Variants in SLC14A2 observed in about 807,000 individuals in gnomAD.
The protein encoded by SLC14A2 is urea transporter 2.
In SLC14A2, 91 loss-of-function variants were observed where a neutral mutation model predicts 104.6. That is an observed-to-expected ratio of 0.87 (90% confidence interval 0.73 to 1.04). SLC14A2 has a LOEUF of 1.04. Ranked by LOEUF, SLC14A2 falls within the 50% of genes least tolerant of loss-of-function variation. SLC14A2 has a pLI of 0.00. For missense variants in SLC14A2, 1,189 were observed against 1,156.0 expected (o/e 1.03, Z -0.41); for synonymous variants, 476 against 466.4 (o/e 1.02, Z -0.27).
chr18:45,416,454 G>A (rs888081924), intron 1 of SLC14A2, among the ~76,000 whole-genome samples: 1 of 152,168 alleles, frequency 6.6e-6, no homozygotes, highest in African/African-American at 2.4e-5. Flanking sequence ...ATAATAATTG[G>A]TCGTGGCCTT....
At chr18:45,601,170 CG>C (rs1163976749) in intron 2 of SLC14A2, among the ~76,000 whole-genome samples, 5 of 152,198 alleles carry the variant, frequency 3.3e-5, no homozygotes, top group Admixed American at 6.5e-5. Context: ...AAAGAGAATG[CG>C]CGGCCCAACC....
intron 1 of SLC14A2, among the ~76,000 whole-genome samples, chr18:45,319,649 G>A (rs749938482): frequency 2.6e-5 from 4 of 152,148 alleles, no homozygotes; most frequent in African/African-American, 4.8e-5. Context: ...GACCAATTAG[G>A]TTATAGACTT....
intron 1 of SLC14A2, among the ~76,000 whole-genome samples, chr18:45,342,525 G>A (rs542418630): frequency 1.3e-5 from 2 of 152,284 alleles, no homozygotes; most frequent in Admixed American, 6.5e-5. Flanking sequence ...GAACAAAAGG[G>A]TTATGGTCAG....
intron 18 of SLC14A2, among the ~76,000 whole-genome samples, chr18:45,675,583 C>T (rs371260679): frequency 6.0e-5 from 9 of 151,220 alleles, no homozygotes; most frequent in South Asian, 4.2e-4. Flanking sequence ...GGCATGATCA[C>T]GGCTCACTGC....
chr18:45,371,990 T>C (rs2085727942), intron 1 of SLC14A2, among the ~76,000 whole-genome samples: 1 of 152,186 alleles, frequency 6.6e-6, no homozygotes, highest in South Asian at 2.1e-4. Context: ...AACTAGAGCT[T>C]CTAAAATTAA....
chr18:45,536,274 C>T (rs1188726697), intron 2 of SLC14A2, among the ~76,000 whole-genome samples: 5 of 152,154 alleles, frequency 3.3e-5, no homozygotes, highest in African/African-American at 4.8e-5. Context: ...TATTAATTTC[C>T]CAGTACCTGG....
At position 45,494,604 on chromosome 18, in the gene SLC14A2, G is replaced by T. The variant is rs1334361868; in HGVS notation, c.-35+11282G>T. On this transcript the variant is annotated intron_variant, in intron 2 of 20. Coordinates refer to the SLC14A2 transcript ENST00000586448. ...TTAAATAGCGACAGGGTCTCACCAT[G>T]TTGGCCAGGCTTGTCTCAAACTCCT... Among the ~76,000 whole-genome samples the T allele has an allele frequency of 2.0e-5, 3 of 151,734 alleles. No individual in the cohort carries two copies. The East Asian group carries it at 5.8e-4, about 29-fold the overall frequency.
chr18:45,199,126 C>A, the SLC14A2 span, among the ~76,000 whole-genome samples: 1 of 151,878 alleles, frequency 6.6e-6, no homozygotes, highest in Non-Finnish European at 1.5e-5. Flanking sequence ...ATAACACTTT[C>A]ACCAGGTTCT....
intron 10 of SLC14A2, among the ~76,000 whole-genome samples, chr18:45,660,480 A>G (rs1222045039): frequency 6.6e-6 from 1 of 152,218 alleles, no homozygotes; most frequent in African/African-American, 2.4e-5. Flanking sequence ...TTTCCAGCGC[A>G]TTTCGTAAGC....
At chr18:45,506,714 A>G (rs1416179232) in intron 2 of SLC14A2, among the ~76,000 whole-genome samples, 2 of 152,218 alleles carry the variant, frequency 1.3e-5, no homozygotes, top group Non-Finnish European at 1.5e-5. Flanking sequence ...GGCCCTGCCA[A>G]CACCTTAGTT....
chr18:45,544,636 C>A (rs1407872079), intron 2 of SLC14A2, among the ~76,000 whole-genome samples: 1 of 152,042 alleles, frequency 6.6e-6, no homozygotes, highest in Non-Finnish European at 1.5e-5. Context: ...ACCATCTTCA[C>A]TACCCTTGGT....
intron 10 of SLC14A2, among the ~76,000 whole-genome samples, chr18:45,653,359 G>T (rs769785098): frequency 1.3e-5 from 2 of 152,112 alleles, no homozygotes; most frequent in Non-Finnish European, 1.5e-5. Context: ...TGGGAAGGGG[G>T]CCTTTGACGT....
intron 1 of SLC14A2, among the ~76,000 whole-genome samples, chr18:45,373,684 C>CA (rs1469034422): frequency 2.0e-5 from 3 of 152,110 alleles, no homozygotes; most frequent in Non-Finnish European, 2.9e-5. Context: ...GGCCCACGGT[C>CA]AAAGTATTAA....
intron 1 of SLC14A2, among the ~76,000 whole-genome samples, chr18:45,362,472 A>G (rs1293552751): frequency 6.6e-6 from 1 of 152,232 alleles, no homozygotes; most frequent in Non-Finnish European, 1.5e-5. Flanking sequence ...CAGCAGGGCT[A>G]TTCGCATCCA....
the SLC14A2 span, among the ~76,000 whole-genome samples, chr18:45,203,883 A>C: frequency 6.6e-6 from 1 of 152,216 alleles, no homozygotes; most frequent in Non-Finnish European, 1.5e-5. Context: ...TGAGTGTGTC[A>C]AACACTATAG....
intron 1 of SLC14A2, among the ~76,000 whole-genome samples, chr18:45,307,440 A>G (rs2085034981): frequency 6.6e-6 from 1 of 151,126 alleles, no homozygotes; most frequent in African/African-American, 2.4e-5. Context: ...AAAAAACCAA[A>G]AAACCAAAAA....
intron 1 of SLC14A2, among the ~76,000 whole-genome samples, chr18:45,333,938 T>G (rs2085313658): frequency 6.6e-6 from 1 of 152,226 alleles, no homozygotes; most frequent in South Asian, 2.1e-4. Context: ...AATTTTATAA[T>G]GAGAACTATA....
chr18:45,516,224 C>T (rs1175505853), intron 2 of SLC14A2, among the ~76,000 whole-genome samples: 2 of 152,132 alleles, frequency 1.3e-5, no homozygotes, highest in Non-Finnish European at 2.9e-5. Flanking sequence ...ACTACTGTTT[C>T]CCTTCCTTCC....
At chr18:45,381,312 A>G (rs142541367) in intron 1 of SLC14A2, among the ~76,000 whole-genome samples, 1 of 152,368 alleles carries the variant, frequency 6.6e-6, no homozygotes, top group East Asian at 1.9e-4. Flanking sequence ...ACAGACTCTG[A>G]ATTAAAACAT....
Sources: allele counts gnomAD v4.1 joint callset (sites outside exome capture counted in the v4.1 genomes callset), GRCh38; gene constraint gnomAD v4.1.1; transcripts MANE v1.5; gene names NCBI Gene and HGNC (gene_info 2026-07-23, HGNC 2026-07-21).